The following TCF20 variants were observed in gnomAD, a reference collection of about 807,000 sequenced individuals.
TCF20 encodes SPRE-binding protein.
Under a neutral mutation model 148.6 loss-of-function variants are expected in TCF20, and 3 were observed. The ratio of observed to expected loss-of-function variants is 0.02; its 90% confidence interval spans 0.01 to 0.05. The LOEUF is 0.05. TCF20 is among the 10% of genes least tolerant of loss of function. The pLI is 1.00. For missense variants in TCF20, 2,350 were observed against 2,429.3 expected, an observed-to-expected ratio of 0.97 and a Z score of 0.69; for synonymous variants, 1,049 against 909.5, an observed-to-expected ratio of 1.15 and a Z score of -2.76.
chr22:42,251,662 C>G (rs1051862041), intron 1 of TCF20, among the ~76,000 whole-genome samples: 1 of 151,074 alleles, frequency 6.6e-6, no homozygotes, highest in Non-Finnish European at 1.5e-5. Context: ...GCAACCATGC[C>G]TAGATAATTT....
chr22:42,232,730 C>T (rs1057304978), intron 1 of TCF20, among the ~76,000 whole-genome samples: 7 of 147,122 alleles, frequency 4.8e-5, no homozygotes, highest in African/African-American at 1.5e-4. Context: ...ACCCGGGAGG[C>T]GGAGCTTGCA....
chr22:42,254,415 C>T (rs958850582), intron 1 of TCF20, among the ~76,000 whole-genome samples: 1 of 152,232 alleles, frequency 6.6e-6, no homozygotes, highest in African/African-American at 2.4e-5. Flanking sequence ...ATTAAACATT[C>T]ACACAGGGTA....
intron 2 of TCF20, among the ~76,000 whole-genome samples, chr22:42,189,742 T>C (rs1337638121): frequency 6.6e-6 from 1 of 152,230 alleles, no homozygotes; most frequent in East Asian, 1.9e-4. Context: ...TCTCCTAAAG[T>C]AGAGGACAAC....
At chr22:42,170,772 A>C (rs1421610713) in intron 3 of TCF20, among the ~76,000 whole-genome samples, 1 of 152,168 alleles carries the variant, frequency 6.6e-6, no homozygotes, top group African/African-American at 2.4e-5. Context: ...TGCTATTTTA[A>C]AAATCCTTGA....
intron 1 of TCF20, among the ~76,000 whole-genome samples, chr22:42,314,721 C>T (rs1232647382): frequency 6.6e-6 from 1 of 152,220 alleles, no homozygotes; most frequent in African/African-American, 2.4e-5. Flanking sequence ...ACAGTGCAAG[C>T]ACCCGGTGGA....
chr22:42,248,961 G>A (rs190604505), intron 1 of TCF20, among the ~76,000 whole-genome samples: 40 of 152,356 alleles, frequency 2.6e-4, no homozygotes, highest in African/African-American at 8.7e-4. Flanking sequence ...GTGTGTCTGT[G>A]AGGATGTTTT....
chr22:42,184,865 T>C (rs1218653669), intron 2 of TCF20, among the ~76,000 whole-genome samples: 3 of 152,248 alleles, frequency 2.0e-5, no homozygotes, highest in Non-Finnish European at 4.4e-5. Flanking sequence ...AAAGGTATTA[T>C]TAGTTTTGGG....
chr22:42,253,796 G>C (rs1019297039), intron 1 of TCF20, among the ~76,000 whole-genome samples: 1 of 152,150 alleles, frequency 6.6e-6, no homozygotes, highest in Non-Finnish European at 1.5e-5. Flanking sequence ...TAACTGAAGA[G>C]GCCGGGCATG....
Position 42,211,664 on chromosome 22 carries a change from C to A in TCF20, c.3642G>T (p.Pro1214=). The change falls in exon 2 of 6, where the codon CCG becomes CCT. Residue 1214 remains proline (P), a synonymous_variant. Coordinates refer to ENST00000677622, the MANE Select transcript of TCF20 (RefSeq NM_001378418.1). ...PGMSSQKRYG[P]PHETDGHGLA... is the part of the protein sequence containing the mutation. ...GTCCATGTCCATCAGTCTCATGGGG[C>A]GGCCCATACCTTTTTTGACTGGACA... 1 of 1,614,228 alleles carries A rather than the reference C, an allele frequency of 6.2e-7. No individual in the cohort carries two copies. The highest frequency in any genetic ancestry group is 8.5e-7 in the Non-Finnish European group (1 of 1,180,046).
intron 1 of TCF20, among the ~76,000 whole-genome samples, chr22:42,262,241 A>G (rs1030969316): frequency 6.6e-6 from 1 of 152,226 alleles, no homozygotes; most frequent in African/African-American, 2.4e-5. Context: ...GGCAGACACC[A>G]GCAGAAATGA....
intron 3 of TCF20, among the ~76,000 whole-genome samples, chr22:42,172,772 C>T (rs1272639712): frequency 6.6e-6 from 1 of 152,194 alleles, no homozygotes; most frequent in African/African-American, 2.4e-5. Flanking sequence ...CAGACACAGA[C>T]TCCAATTCAC....
intron 3 of TCF20, among the ~76,000 whole-genome samples, chr22:42,174,545 G>A (rs1304878670): frequency 6.6e-6 from 1 of 152,144 alleles, no homozygotes; most frequent in Admixed American, 6.5e-5. Flanking sequence ...AAAACTCACA[G>A]TATTCCCAAT....
intron 1 of TCF20, among the ~76,000 whole-genome samples, chr22:42,243,042 G>C (rs1168762449): frequency 6.6e-6 from 1 of 151,986 alleles, no homozygotes; most frequent in Non-Finnish European, 1.5e-5. Context: ...GGATCCAAGG[G>C]AAGAGGGGGA....
intron 5 of TCF20, among the ~76,000 whole-genome samples, chr22:42,162,008 T>G (rs903276797): frequency 9.2e-6 from 1 of 109,210 alleles, no homozygotes. Context: ...TTTGAGACAG[T>G]CTTGCTCTAT....
intron 2 of TCF20, among the ~76,000 whole-genome samples, chr22:42,183,259 C>A (rs1936867446): frequency 6.6e-6 from 1 of 152,140 alleles, no homozygotes; most frequent in African/African-American, 2.4e-5. Flanking sequence ...ACAGAGCAAT[C>A]AGATCTTGGG....
At chr22:42,209,603 C>A in intron 2 of TCF20, 48 bp downstream of exon 2, 1 of 1,533,526 alleles carries the variant, frequency 6.5e-7, no homozygotes, top group Non-Finnish European at 8.8e-7. Context: ...AGAAAAGGAA[C>A]CAAATGAAAT....
chr22:42,197,850 C>T (rs182580101), intron 2 of TCF20, among the ~76,000 whole-genome samples: 1 of 152,104 alleles, frequency 6.6e-6, no homozygotes, highest in African/African-American at 2.4e-5. Context: ...TGAAAAGGAA[C>T]TAAAAGTTTA....
intron 1 of TCF20, among the ~76,000 whole-genome samples, chr22:42,307,863 C>T (rs949395963): frequency 3.9e-5 from 6 of 152,288 alleles, no homozygotes; most frequent in South Asian, 2.1e-4. Flanking sequence ...CCAGCTTGGA[C>T]GGCCAGCTGG....
intron 1 of TCF20, among the ~76,000 whole-genome samples, chr22:42,310,304 A>T (rs1039565470): frequency 3.9e-5 from 6 of 152,116 alleles, no homozygotes; most frequent in African/African-American, 1.4e-4. Flanking sequence ...AGGGCCTACT[A>T]TGTGCCAGGT....
Sources: allele counts gnomAD v4.1 joint callset (sites outside exome capture counted in the v4.1 genomes callset), GRCh38; gene constraint gnomAD v4.1.1; transcripts MANE v1.5; gene names NCBI Gene and HGNC (gene_info 2026-07-23, HGNC 2026-07-21).